HEXB: variants seen among roughly 807,000 people sequenced by gnomAD.
The protein encoded by HEXB is beta-hexosaminidase subunit beta.
In HEXB, 51 loss-of-function variants were observed where a neutral mutation model predicts 71.2. That is an observed-to-expected ratio of 0.72 (90% confidence interval 0.57 to 0.90). HEXB has a LOEUF of 0.90. Among genes scored for constraint, HEXB ranks in the 40% least tolerant of loss-of-function variants. The pLI, the probability that HEXB is intolerant of heterozygous loss-of-function variation, is 0.00. For missense variants in HEXB, 617 were observed against 677.0 expected (o/e 0.91, Z 0.98); for synonymous variants, 266 against 249.3 (o/e 1.07, Z -0.63).
intron 1 of HEXB, among the ~76,000 whole-genome samples, chr5:74,646,307 CT>C (rs1386613499): frequency 5.0e-4 from 76 of 152,108 alleles, no homozygotes; most frequent in Non-Finnish European, 9.3e-4. Flanking sequence ...TGACTTGAAT[CT>C]TTATCAAACT....
intron 1 of HEXB, among the ~76,000 whole-genome samples, chr5:74,649,820 T>C (rs1263066308): frequency 1.3e-5 from 2 of 152,260 alleles, no homozygotes; most frequent in Non-Finnish European, 2.9e-5. Flanking sequence ...AAGAGATTGT[T>C]ACATCAGTTC....
chr5:74,715,223 A>G (rs774512276), intron 7 of HEXB, among the ~76,000 whole-genome samples: 2 of 152,224 alleles, frequency 1.3e-5, no homozygotes, highest in Non-Finnish European at 2.9e-5. Flanking sequence ...AATTTGAAAT[A>G]TGAATTGAAG....
At chr5:74,710,880 A>G (rs1425096645) in intron 6 of HEXB, among the ~76,000 whole-genome samples, 2 of 151,932 alleles carry the variant, frequency 1.3e-5, no homozygotes, top group Non-Finnish European at 2.9e-5. Flanking sequence ...TATAGATTCA[A>G]TGCCATCCCC....
At chr5:74,675,657 A>C (rs1474710810) in intron 1 of HEXB, among the ~76,000 whole-genome samples, 1 of 152,182 alleles carries the variant, frequency 6.6e-6, no homozygotes, top group Non-Finnish European at 1.5e-5. Context: ...CACACTGTGC[A>C]GGCCATATTA....
intron 1 of HEXB, among the ~76,000 whole-genome samples, chr5:74,662,195 G>C (rs1748339365): frequency 6.6e-6 from 1 of 151,872 alleles, no homozygotes; most frequent in Non-Finnish European, 1.5e-5. Context: ...GCTGTGCACA[G>C]ACATGGTAAT....
chr5:74,647,621 C>A (rs139902604), intron 1 of HEXB, among the ~76,000 whole-genome samples: 164 of 152,344 alleles, frequency 1.1e-3, no homozygotes, highest in African/African-American at 3.6e-3. Context: ...CCGCAAATTT[C>A]TCTTAGCCTC....
chr5:74,648,203 T>A (rs553690277), intron 1 of HEXB, among the ~76,000 whole-genome samples: 1 of 152,310 alleles, frequency 6.6e-6, no homozygotes, highest in African/African-American at 2.4e-5. Flanking sequence ...AAACTGAAGA[T>A]CTCTGTGAAT....
chr5:74,673,153 G>T (rs534897239), intron 1 of HEXB, among the ~76,000 whole-genome samples: 25 of 152,210 alleles, frequency 1.6e-4, no homozygotes, highest in Non-Finnish European at 3.5e-4. Flanking sequence ...TAATAGATAA[G>T]GAAGAGAAAG....
At chr5:74,712,248 A>G (rs1212720453) in intron 6 of HEXB, among the ~76,000 whole-genome samples, 16 of 141,780 alleles carry the variant, frequency 1.1e-4, no homozygotes, top group Non-Finnish European at 2.4e-4. Context: ...ACATGGACAC[A>G]GGAAGGGGAA....
At chr5:74,716,940 G>A (rs564691422) in intron 9 of HEXB, 101 of 282,302 alleles carry the variant, frequency 3.6e-4, no homozygotes, top group Non-Finnish European at 5.8e-4. Flanking sequence ...CTGTAATCCC[G>A]GCACTTTGGG....
chr5:74,702,906 A>C (rs1294964797), intron 5 of HEXB, among the ~76,000 whole-genome samples: 1 of 152,152 alleles, frequency 6.6e-6, no homozygotes, highest in Non-Finnish European at 1.5e-5. Context: ...GTGTGGACTC[A>C]TGGGTTACTA....
intron 1 of HEXB, 146 bp from the exon 2 acceptor site, chr5:74,689,182 A>T (rs934218655): frequency 1.4e-6 from 1 of 697,322 alleles, no homozygotes; most frequent in South Asian, 1.6e-5. Flanking sequence ...AGTGATTCTA[A>T]TGTACAGCTT....
intron 1 of HEXB, among the ~76,000 whole-genome samples, chr5:74,671,391 A>G (rs1748536331): frequency 1.3e-5 from 2 of 152,058 alleles, no homozygotes; most frequent in South Asian, 4.1e-4. Flanking sequence ...TCTCAAAATA[A>G]TTATGCTGAG....
Position 74,715,630 on chromosome 5 carries a change from G to A in HEXB, c.1022G>A (p.Ser341Asn). 1.2e-6 allele frequency: 2 copies of A among 1,610,598 alleles called. No homozygotes were observed. The highest frequency in any genetic ancestry group is 1.3e-5 in the African/African-American group (1 of 74,892). Residue 341 changes from serine (S) to asparagine (N), a missense_variant, in exon 8 of 14, where the codon AGT becomes AAT. Transcript: ENST00000261416. The stretch of plus-strand genomic sequence containing the variant: ...CTTACTACATTTTTCAAAGAAATTA[G>A]TGAGGTGTTTCCAGATCAATTCATT... The part of the protein sequence containing the change: ...SFLTTFFKEI[S>N]EVFPDQFIHL...
chr5:74,643,179 G>A (rs1285284753), intron 1 of HEXB, among the ~76,000 whole-genome samples: 3 of 152,080 alleles, frequency 2.0e-5, no homozygotes, highest in South Asian at 4.1e-4. Context: ...ACTAGTTTTC[G>A]GGCAGTTGGG....
chr5:74,654,996 G>C (rs1748190687), intron 1 of HEXB, among the ~76,000 whole-genome samples: 1 of 152,154 alleles, frequency 6.6e-6, no homozygotes, highest in Admixed American at 6.5e-5. Context: ...GCTGGTGTTT[G>C]ACCTGCGGAC....
chr5:74,645,220 C>G (rs972871733), intron 1 of HEXB, among the ~76,000 whole-genome samples: 1 of 150,586 alleles, frequency 6.6e-6, no homozygotes, highest in African/African-American at 2.4e-5. Flanking sequence ...TAGAGGTGAG[C>G]CCGTGCTAAG....
intron 1 of HEXB, among the ~76,000 whole-genome samples, chr5:74,657,660 T>A (rs568884191): frequency 6.6e-6 from 1 of 152,366 alleles, no homozygotes; most frequent in African/African-American, 2.4e-5. Flanking sequence ...TAGCTATTCA[T>A]CAAAATTTTA....
chr5:74,717,172 C>T (rs923843076), intron 9 of HEXB, among the ~76,000 whole-genome samples: 1 of 152,208 alleles, frequency 6.6e-6, no homozygotes, highest in Admixed American at 6.5e-5. Flanking sequence ...CAGAGTGAGA[C>T]TGTCTCAATC....
Sources: allele counts gnomAD v4.1 joint callset (sites outside exome capture counted in the v4.1 genomes callset), GRCh38; gene constraint gnomAD v4.1.1; transcripts MANE v1.5; gene names NCBI Gene and HGNC (gene_info 2026-07-23, HGNC 2026-07-21).